MMP26: variants seen among roughly 807,000 people sequenced by gnomAD.
The protein encoded by MMP26 is matrix metalloproteinase-26.
MMP26 carries 33 observed loss-of-function variants against 31.0 expected under a neutral mutation model. The ratio of observed to expected loss-of-function variants is 1.06; its 90% CI spans 0.81 to 1.42. The LOEUF is 1.42. Ranked by LOEUF, MMP26 falls within the 40% of genes most tolerant of loss-of-function variation. The pLI, the probability that MMP26 is intolerant of heterozygous loss-of-function variation, is 0.00. For missense variants in MMP26, 347 were observed against 316.1 expected (o/e 1.10, Z -0.74); for synonymous variants, 122 against 114.9 (o/e 1.06, Z -0.40).
chr11:4,829,311 A>G (rs970928120), intron 2 of MMP26, among the ~76,000 whole-genome samples: 1 of 152,100 alleles, frequency 6.6e-6, no homozygotes, highest in African/African-American at 2.4e-5. Flanking sequence ...GTCCTAACTG[A>G]TTACTACAGC....
intron 2 of MMP26, among the ~76,000 whole-genome samples, chr11:4,846,331 A>T (rs566656040): frequency 1.3e-5 from 2 of 152,304 alleles, no homozygotes. Context: ...GTTCTCACTT[A>T]TTTGTGGGAT....
intron 1 of MMP26, among the ~76,000 whole-genome samples, chr11:4,746,920 G>C (rs115492206): frequency 6.6e-6 from 1 of 151,230 alleles, no homozygotes; most frequent in African/African-American, 2.4e-5. Context: ...CAGTTCTTAA[G>C]GCCACAAAAC....
intron 2 of MMP26, among the ~76,000 whole-genome samples, chr11:4,952,895 A>AT (rs921861467): frequency 8.0e-6 from 1 of 124,254 alleles, no homozygotes; most frequent in East Asian, 2.3e-4. Flanking sequence ...TGGGCTGATT[A>AT]TTTTTTTTAA....
At chr11:4,710,067 C>G in intron 1 of MMP26, 1 of 456,792 alleles carries the variant, frequency 2.2e-6, no homozygotes, top group South Asian at 1.5e-5. Context: ...GCTCCTTAAG[C>G]GCCTCTCCTT....
At chr11:4,839,077 CAAAT>C (rs1409895649) in intron 2 of MMP26, among the ~76,000 whole-genome samples, 2 of 151,948 alleles carry the variant, frequency 1.3e-5, no homozygotes, top group Non-Finnish European at 2.9e-5. Context: ...AGGAAAATAA[CAAAT>C]AACAACAACA....
At chr11:4,890,576 A>C (rs1436587523) in intron 2 of MMP26, 3 of 152,348 alleles carry the variant, frequency 2.0e-5, no homozygotes, top group Admixed American at 1.3e-4. Flanking sequence ...TCGCAATTTC[A>C]GAAGAATTGG....
Position 4,951,802 on chromosome 11 carries a change from A to G in MMP26, c.-144-36266A>G, listed in dbSNP as rs777300008. Among the ~76,000 whole-genome samples the G allele has an allele frequency of 1.2e-4, 15 of 124,570 alleles. 5 individuals carry two copies. The highest frequency in any genetic ancestry group is 2.7e-4 in the Non-Finnish European group (15 of 54,936). The allele number at this position is 124,570 out of a possible 152,430, so 81.7% of individuals were successfully genotyped here. On this transcript the variant is annotated intron_variant, in intron 2 of 7. Coordinates refer to ENST00000380390, the MANE Select transcript of MMP26 (RefSeq NM_021801.5). ...AACATTTTTCTTTTAAGTGGATCTG[A>G]GAGTGACAGTTCTCTCTCCTCTCTT...
At chr11:4,883,039 AT>A (rs1156312692) in intron 2 of MMP26, among the ~76,000 whole-genome samples, 1 of 152,074 alleles carries the variant, frequency 6.6e-6, no homozygotes, top group Non-Finnish European at 1.5e-5. Flanking sequence ...AAAGAGTTTT[AT>A]TTTTAATTTT....
intron 1 of MMP26, among the ~76,000 whole-genome samples, chr11:4,761,967 C>T (rs1279144607): frequency 6.6e-6 from 1 of 151,802 alleles, no homozygotes; most frequent in Admixed American, 6.6e-5. Flanking sequence ...AGGTTGGGAA[C>T]TCAAGTGGAA....
At chr11:4,799,814 G>A (rs1209985907) in intron 2 of MMP26, among the ~76,000 whole-genome samples, 1 of 152,136 alleles carries the variant, frequency 6.6e-6, no homozygotes. Flanking sequence ...AAAAGAAAGG[G>A]GCAATAAGTC....
At position 4,710,082 on chromosome 11, in the gene MMP26, C is replaced by T. The variant is rs181476765; in HGVS notation, c.-217+5037C>T. 58 of 456,802 alleles carry T rather than the reference C, an allele frequency of 1.3e-4. 1 individual carries two copies. In the East Asian group the frequency reaches 3.5e-3, roughly 28 times the overall value. The allele number at this position is 456,802 out of a possible 1,614,324, so 28.3% of individuals were successfully genotyped here. Reference sequence around the variant, plus strand: ...GCTCCTTAAGCGCCTCTCCTTCTGCCGTAGTCATGTGCTCCACCATTCCTA... The same window carrying T: ...GCTCCTTAAGCGCCTCTCCTTCTGCTGTAGTCATGTGCTCCACCATTCCTA... On this transcript the variant is annotated intron_variant, in intron 1 of 7. Transcript: ENST00000380390.
intron 2 of MMP26, among the ~76,000 whole-genome samples, chr11:4,767,760 G>GC (rs2133417449): frequency 6.6e-6 from 1 of 152,240 alleles, no homozygotes; most frequent in Admixed American, 6.5e-5. Flanking sequence ...GCACACTGCT[G>GC]CCCTCAGTAT....
chr11:4,865,538 C>G (rs1377545993), intron 2 of MMP26, among the ~76,000 whole-genome samples: 2 of 152,072 alleles, frequency 1.3e-5, no homozygotes, highest in Non-Finnish European at 2.9e-5. Context: ...ACCTTTACAA[C>G]TTCAGGGAAA....
At chr11:4,715,788 A>T (rs911760670) in intron 1 of MMP26, among the ~76,000 whole-genome samples, 8 of 152,168 alleles carry the variant, frequency 5.3e-5, no homozygotes, top group African/African-American at 1.9e-4. Flanking sequence ...ACTTGTCCTG[A>T]GCAATACCCA....
intron 1 of MMP26, among the ~76,000 whole-genome samples, chr11:4,757,473 A>G (rs995650900): frequency 1.3e-5 from 2 of 152,096 alleles, no homozygotes; most frequent in African/African-American, 2.4e-5. Flanking sequence ...TAAATGATCA[A>G]TATCAGACTT....
chr11:4,890,213 A>G (rs556336688), intron 2 of MMP26: 1 of 152,944 alleles, frequency 6.5e-6, no homozygotes, highest in Non-Finnish European at 1.5e-5. Context: ...AGAGGGTGGC[A>G]TATGGCCAAA....
intron 2 of MMP26, among the ~76,000 whole-genome samples, chr11:4,969,574 A>C (rs1222257903): frequency 6.6e-6 from 1 of 152,076 alleles, no homozygotes; most frequent in Non-Finnish European, 1.5e-5. Flanking sequence ...CTAAAAAGTT[A>C]GATACATTTT....
At chr11:4,991,588 G>T (rs927279147) in intron 6 of MMP26, 92 bp downstream of exon 6, 3 of 1,492,510 alleles carry the variant, frequency 2.0e-6, no homozygotes, top group African/African-American at 2.8e-5. Context: ...GAGTGGTCAG[G>T]GTGAGGTGGA....
intron 1 of MMP26, among the ~76,000 whole-genome samples, chr11:4,748,904 C>A (rs896192957): frequency 2.0e-5 from 3 of 152,036 alleles, no homozygotes; most frequent in Non-Finnish European, 4.4e-5. Context: ...TGCCTACTTT[C>A]ACCACTTTTA....
Sources: allele counts gnomAD v4.1 joint callset (sites outside exome capture counted in the v4.1 genomes callset), GRCh38; gene constraint gnomAD v4.1.1; transcripts MANE v1.5; gene names NCBI Gene and HGNC (gene_info 2026-07-23, HGNC 2026-07-21).